The following ALDH3A2 variants were observed in gnomAD, a reference collection of about 807,000 sequenced individuals.
ALDH3A2 encodes aldehyde dehydrogenase family 3 member A2.
ALDH3A2 carries 36 observed loss-of-function variants against 51.3 expected under a neutral mutation model. The observed-to-expected ratio is 0.70, with a 90% confidence interval of 0.54 to 0.93. The LOEUF is 0.93. ALDH3A2 is among the 40% of genes least tolerant of loss of function. The pLI is 0.00. For synonymous variants in ALDH3A2, 199 were observed against 219.8 expected (o/e 0.91, Z 0.84); for missense variants, 552 against 603.1 (o/e 0.92, Z 0.89).
At chr17:19,657,410 TC>T (rs2084911485) in intron 4 of ALDH3A2, among the ~76,000 whole-genome samples, 6 of 152,188 alleles carry the variant, frequency 3.9e-5, no homozygotes, top group Admixed American at 3.9e-4. Flanking sequence ...TCCAGGACTT[TC>T]CTTTGGCTGG....
intron 8 of ALDH3A2, among the ~76,000 whole-genome samples, chr17:19,669,883 T>G (rs2152332645): frequency 6.6e-6 from 1 of 152,198 alleles, no homozygotes; most frequent in East Asian, 1.9e-4. Flanking sequence ...CAAGCAATCC[T>G]CCCACCTCAG....
rs1367592034 is a variant in ALDH3A2, at chr17:19,648,923, C to T, written c.-49C>T. On this transcript the variant is annotated 5_prime_UTR_variant, in exon 1 of 10. Transcript: ENST00000176643. Reference sequence around the variant, plus strand: ...GCCTGCACCTGCATGCTTCCCGCCTCCCACTCCCCAGCGCCCCCGGACCGT... The same window carrying T: ...GCCTGCACCTGCATGCTTCCCGCCTTCCACTCCCCAGCGCCCCCGGACCGT... 5.8e-6 allele frequency: 9 copies of T among 1,543,604 alleles called. No homozygotes were observed. The highest frequency in any genetic ancestry group is 1.4e-5 in the African/African-American group (1 of 73,570).
chr17:19,672,801 G>A (rs377335230), intron 9 of ALDH3A2, among the ~76,000 whole-genome samples: 13 of 152,234 alleles, frequency 8.5e-5, no homozygotes, highest in African/African-American at 3.1e-4. Flanking sequence ...CTAGCACTTC[G>A]GGAGGCTGAG....
intron 7 of ALDH3A2, 30 bp from the exon 8 acceptor site, chr17:19,664,918 C>G: frequency 1.3e-6 from 2 of 1,574,510 alleles, no homozygotes; most frequent in Non-Finnish European, 1.7e-6. Context: ...GGCAACTTCA[C>G]TGACCTGGAC....
At chr17:19,673,465 C>T (rs2152333815) in intron 9 of ALDH3A2, among the ~76,000 whole-genome samples, 1 of 151,616 alleles carries the variant, frequency 6.6e-6, no homozygotes, top group Middle Eastern at 3.4e-3. Context: ...CGCCTGTAAT[C>T]CTAGCACTTT....
chr17:19,656,155 A>G lies in ALDH3A2; in HGVS notation c.472-211A>G, dbSNP rs962800. ...AAAAAAACACTGGAGTCTCCAGATT[A>G]GTTCTATGTGGGTTCATGCTTCCCA... is the stretch of plus-strand genomic sequence containing the variant. On this transcript the variant is annotated intron_variant, in intron 3 of 9. Coordinates refer to ENST00000176643, the MANE Select transcript of ALDH3A2 (RefSeq NM_000382.3). 0.59 allele frequency: 346,416 copies of G among 586,296 alleles called. 106,292 individuals are homozygous for G. The highest frequency in any genetic ancestry group is 0.97 in the East Asian group (32,758 of 33,708). The allele number at this position is 586,296 out of a possible 1,614,324, so 36.3% of individuals were successfully genotyped here.
chr17:19,652,019 G>C (rs1185595141), intron 2 of ALDH3A2, among the ~76,000 whole-genome samples: 1 of 152,172 alleles, frequency 6.6e-6, no homozygotes, highest in Non-Finnish European at 1.5e-5. Flanking sequence ...AAAGATGTGT[G>C]AGTCAGCAGG....
At position 19,671,833 on chromosome 17, in the gene ALDH3A2, T is replaced by C; in HGVS notation, c.1320T>C (p.Tyr440=). The change falls in exon 9 of 10, where the codon TAT becomes TAC. Residue 440 remains tyrosine, a synonymous_variant. Coordinates refer to ENST00000176643, the MANE Select transcript of ALDH3A2 (RefSeq NM_000382.3). ...GAGAAGGTGCTAACAAACTCAGATA[T>C]CCTCCCAACAGCCAGTCAAAGGTGG... ...LKREGANKLR[Y]PPNSQSKVDW... 6.2e-7 allele frequency: 1 copy of C among 1,614,136 alleles called. No individual in the cohort carries two copies. Among genetic ancestry groups the C allele is most frequent in the Non-Finnish European group, 8.5e-7 (1 of 1,180,028 alleles).
At position 19,676,618 on chromosome 17, in the gene ALDH3A2, A is replaced by C. The variant is rs889855581; in HGVS notation, c.*1046A>C. ...CAGCAGGCTGTGATTGCACCACTGC[A>C]CTTCAGCTTGGGCAACAGAGCAAGA... On this transcript the variant is annotated 3_prime_UTR_variant, in exon 10 of 10. Transcript: ENST00000176643. 6 of 152,242 alleles carry C rather than the reference A, an allele frequency of 3.9e-5. No individual in the cohort carries two copies. The highest frequency in any genetic ancestry group is 1.4e-4 in the African/African-American group (6 of 41,468). The allele number at this position is 152,242 out of a possible 1,614,324, so 9.4% of individuals were successfully genotyped here. A position where few individuals can be genotyped will look rare whatever the true frequency, so the allele number is the denominator to read the frequency against.
intron 8 of ALDH3A2, among the ~76,000 whole-genome samples, chr17:19,666,908 CTT>C (rs1163869333): frequency 6.6e-6 from 1 of 151,584 alleles, no homozygotes; most frequent in Non-Finnish European, 1.5e-5. Flanking sequence ...GGTTTACTCT[CTT>C]AGCAAATTTC....
At chr17:19,669,808 A>AC (rs1229250430) in intron 8 of ALDH3A2, among the ~76,000 whole-genome samples, 18 of 152,142 alleles carry the variant, frequency 1.2e-4, no homozygotes, top group Admixed American at 2.0e-4. Flanking sequence ...CTAATTAAAA[A>AC]AATTTTTTTT....
At chr17:19,664,745 TCAGTCACTTTGCTAAATTAAC>T (rs1339153946) in intron 7 of ALDH3A2, among the ~76,000 whole-genome samples, 182 bp from the exon 8 acceptor site, 1 of 152,184 alleles carries the variant, frequency 6.6e-6, no homozygotes, top group Non-Finnish European at 1.5e-5. Context: ...AAGTTGGGTA[TCAGTCACTTTGCTAAATTAAC>T]CAGTTGAGAT....
intron 9 of ALDH3A2, chr17:19,673,294 CT>C (rs776004571): frequency 5.6e-6 from 9 of 1,612,330 alleles, no homozygotes; most frequent in Non-Finnish European, 7.6e-6. Flanking sequence ...TTTTTGTTTT[CT>C]TTCTATATGT....
At chr17:19,673,203 A>C in intron 9 of ALDH3A2, 2 of 1,614,222 alleles carry the variant, frequency 1.2e-6, no homozygotes, top group Non-Finnish European at 1.7e-6. Flanking sequence ...CTGGTAGTTC[A>C]CAGACTGCGT....
intron 9 of ALDH3A2, among the ~76,000 whole-genome samples, chr17:19,673,885 G>A (rs781335607): frequency 5.3e-5 from 8 of 152,124 alleles, no homozygotes; most frequent in Non-Finnish European, 7.3e-5. Flanking sequence ...GCTTAGCTGC[G>A]TCCAGGTGAA....
At chr17:19,673,869 G>A (rs757341016) in intron 9 of ALDH3A2, among the ~76,000 whole-genome samples, 12 of 152,162 alleles carry the variant, frequency 7.9e-5, no homozygotes, top group Non-Finnish European at 1.6e-4. Context: ...GTGTGCAGAG[G>A]CAATGGCTTA....
At chr17:19,673,346 G>T (rs12947169) in intron 9 of ALDH3A2, 3 of 1,470,094 alleles carry the variant, frequency 2.0e-6, no homozygotes, top group East Asian at 2.6e-5. Flanking sequence ...GGGTTTTTTG[G>T]TTTGTTTTTG....
rs1452785330 is a variant in ALDH3A2, at chr17:19,668,963, CTTCTTTTCTTTTCTTTT to C, written c.1208-2741_1208-2725del. Among the ~76,000 whole-genome samples, 29 of 145,114 alleles carry C rather than the reference CTTCTTTTCTTTTCTTTT, an allele frequency of 2.0e-4. 6 individuals carry two copies. Among genetic ancestry groups the C allele is most frequent in the Admixed American group, 1.4e-4 (2 of 14,250 alleles). ...TTTCCTTCCCTCCCTCCCTCCTTTT[CTTCTTTTCTTTTCTTTT>C]TTCTTTTCTTTTCTTTCCATTTAAC... is the stretch of plus-strand genomic sequence containing the variant. On this transcript the variant is annotated intron_variant, in intron 8 of 9. Coordinates refer to ENST00000176643, the MANE Select transcript of ALDH3A2 (RefSeq NM_000382.3).
At chr17:19,652,842 A>C in intron 3 of ALDH3A2, 1 of 569,684 alleles carries the variant, frequency 1.8e-6, no homozygotes, top group South Asian at 2.0e-5. Flanking sequence ...TACACAATAT[A>C]TGTAGGCCCA....
Sources: gnomAD v4.1 joint callset for allele counts (sites outside exome capture counted in the v4.1 genomes callset) on GRCh38, gnomAD v4.1.1 for gene constraint, MANE v1.5 for transcripts, NCBI Gene and HGNC (gene_info 2026-07-23, HGNC 2026-07-21) for gene names.